The following UBE2E2 variants were observed in gnomAD, a reference collection of about 807,000 sequenced individuals.
The protein encoded by UBE2E2 is ubiquitin conjugating enzyme E2 E2.
Under a neutral mutation model 24.7 loss-of-function variants are expected in UBE2E2, and 6 were observed. That is an observed-to-expected ratio of 0.24 (90% confidence interval 0.13 to 0.48). UBE2E2 has a LOEUF of 0.48. Ranked by LOEUF, UBE2E2 falls within the 20% of genes least tolerant of loss-of-function variation. The pLI, the probability that UBE2E2 is intolerant of heterozygous loss-of-function variation, is 0.99. For synonymous variants in UBE2E2, 104 were observed against 83.6 expected (o/e 1.24, Z -1.33); for missense variants, 169 against 245.0 (o/e 0.69, Z 2.07).
intron 3 of UBE2E2, among the ~76,000 whole-genome samples, chr3:23,397,753 C>A (rs1013420231): frequency 2.0e-5 from 3 of 152,186 alleles, no homozygotes; most frequent in Non-Finnish European, 2.9e-5. Context: ...AACTATAGCA[C>A]ATTTATCTAT....
At chr3:23,400,048 T>A (rs1697179774) in intron 3 of UBE2E2, among the ~76,000 whole-genome samples, 1 of 152,154 alleles carries the variant, frequency 6.6e-6, no homozygotes, top group East Asian at 1.9e-4. Flanking sequence ...GAACTATTAC[T>A]ACTCCACTGA....
intron 3 of UBE2E2, among the ~76,000 whole-genome samples, chr3:23,315,190 C>T (rs922740449): frequency 6.6e-6 from 1 of 152,140 alleles, no homozygotes; most frequent in African/African-American, 2.4e-5. Context: ...CCACTCTTCC[C>T]CTCCCCTTTC....
In UBE2E2 at chr3:23,370,393, A is replaced by C. The variant is rs79427188; in HGVS notation, c.228-129215A>C. 5.7e-4 allele frequency among the ~76,000 whole-genome samples: 87 copies of C among 152,324 alleles called. 3 individuals are homozygous for C. In the East Asian group the frequency reaches 0.015, roughly 27 times the overall value. ...TAAAATGTTGAAATTGATTAACTAG[A>C]GATAGTAATGTCAATTTTTAAGTAA... is the stretch of plus-strand genomic sequence containing the variant. On this transcript the variant is annotated intron_variant, in intron 3 of 5. Transcript: ENST00000396703.
intron 3 of UBE2E2, among the ~76,000 whole-genome samples, chr3:23,261,026 C>T (rs1697888158): frequency 6.6e-6 from 1 of 152,032 alleles, no homozygotes; most frequent in African/African-American, 2.4e-5. Context: ...TCTCTTGAGC[C>T]CAGGAGGCCA....
At chr3:23,288,911 A>G (rs1044706722) in intron 3 of UBE2E2, among the ~76,000 whole-genome samples, 2 of 152,100 alleles carry the variant, frequency 1.3e-5, no homozygotes, top group African/African-American at 4.8e-5. Flanking sequence ...TTCTCTCTTC[A>G]CACCACGTGG....
intron 3 of UBE2E2, among the ~76,000 whole-genome samples, chr3:23,356,207 A>T (rs1324994414): frequency 6.6e-6 from 1 of 152,174 alleles, no homozygotes; most frequent in Non-Finnish European, 1.5e-5. Flanking sequence ...CCAGGAAGAG[A>T]GTCAGGGAAC....
chr3:23,440,388 A>C (rs1057373986), intron 3 of UBE2E2, among the ~76,000 whole-genome samples: 4 of 152,210 alleles, frequency 2.6e-5, no homozygotes, highest in Non-Finnish European at 5.9e-5. Context: ...GATTACAGGC[A>C]TGGGCCATTG....
intron 3 of UBE2E2, among the ~76,000 whole-genome samples, chr3:23,468,340 G>A (rs1698966410): frequency 6.6e-6 from 1 of 152,082 alleles, no homozygotes; most frequent in South Asian, 2.1e-4. Context: ...TAAAATCTAT[G>A]TACACAAGAG....
intron 3 of UBE2E2, among the ~76,000 whole-genome samples, chr3:23,226,197 A>G (rs1480871063): frequency 6.6e-6 from 1 of 152,020 alleles, no homozygotes; most frequent in African/African-American, 2.4e-5. Context: ...TATTTTCCAC[A>G]TCATAGTAAC....
intron 1 of UBE2E2, among the ~76,000 whole-genome samples, chr3:23,208,299 GA>G (rs1696207845): frequency 6.6e-6 from 1 of 152,072 alleles, no homozygotes; most frequent in Admixed American, 6.6e-5. Context: ...TCACTTACCA[GA>G]ATGTTTCAAG....
In UBE2E2 at chr3:23,489,938, T is replaced by G. The variant is rs75850610; in HGVS notation, c.228-9670T>G. On this transcript the variant is annotated intron_variant, in intron 3 of 5. Transcript: ENST00000396703. Reference sequence around the variant, plus strand: ...TTCTTTCCCCTTCCCCCCATATGCATGCTGAGAATCACTGCTGAAGTGAGT... The same window carrying G: ...TTCTTTCCCCTTCCCCCCATATGCAGGCTGAGAATCACTGCTGAAGTGAGT... Among the ~76,000 whole-genome samples the G allele has an allele frequency of 8.0e-3, 1,216 of 152,228 alleles. 17 individuals are homozygous for G. The highest frequency in any genetic ancestry group is 0.028 in the African/African-American group (1,145 of 41,518).
rs547216267 is a variant in UBE2E2, at chr3:23,575,622, A to G, written c.509-14112A>G. ...ACAGATTATTTTTCTGTTAGTTTGG[A>G]AAAAAAACAAAAAAGCTGATAATGA... On this transcript the variant is annotated intron_variant, in intron 5 of 5. Transcript: ENST00000396703. 1.2e-4 allele frequency among the ~76,000 whole-genome samples: 19 copies of G among 152,002 alleles called. No individual in the cohort carries two copies. In the East Asian group the frequency reaches 3.5e-3, roughly 28 times the overall value.
chr3:23,312,211 G>A (rs1270194378), intron 3 of UBE2E2, among the ~76,000 whole-genome samples: 1 of 152,170 alleles, frequency 6.6e-6, no homozygotes, highest in Non-Finnish European at 1.5e-5. Flanking sequence ...TGTACAGCCT[G>A]CAGAACCATG....
At chr3:23,537,201 A>G (rs1201370522) in intron 5 of UBE2E2, among the ~76,000 whole-genome samples, 1 of 152,222 alleles carries the variant, frequency 6.6e-6, no homozygotes, top group African/African-American at 2.4e-5. Flanking sequence ...CCTTCAGACC[A>G]TAAGCTGCCT....
chr3:23,562,646 A>G (rs1459862687), intron 5 of UBE2E2, among the ~76,000 whole-genome samples: 2 of 152,228 alleles, frequency 1.3e-5, no homozygotes, highest in African/African-American at 2.4e-5. Context: ...AAGGAATGGT[A>G]TCAGCTCCTC....
chr3:23,537,487 G>C (rs897086866), intron 5 of UBE2E2, among the ~76,000 whole-genome samples: 1 of 152,144 alleles, frequency 6.6e-6, no homozygotes, highest in African/African-American at 2.4e-5. Context: ...TTAACCCTCA[G>C]CCTTGTATAG....
At chr3:23,488,200 CT>C (rs11352255) in intron 3 of UBE2E2, among the ~76,000 whole-genome samples, 41,383 of 140,056 alleles carry the variant, frequency 0.3, 5,873 homozygotes, top group East Asian at 0.39. Flanking sequence ...GATTACATTT[CT>C]TTTTTTTTTT....
intron 3 of UBE2E2, among the ~76,000 whole-genome samples, chr3:23,293,945 T>C: frequency 6.6e-6 from 1 of 152,200 alleles, no homozygotes; most frequent in East Asian, 1.9e-4. Context: ...GCGAGCTCTT[T>C]GTCTCTTTAA....
intron 4 of UBE2E2, among the ~76,000 whole-genome samples, chr3:23,517,123 C>A (rs905992859): frequency 2.0e-5 from 3 of 152,010 alleles, no homozygotes; most frequent in African/African-American, 7.2e-5. Context: ...CATAGTTAGT[C>A]TTTTCTACCG....
Sources: gnomAD v4.1 joint callset for allele counts (sites outside exome capture counted in the v4.1 genomes callset) on GRCh38, gnomAD v4.1.1 for gene constraint, MANE v1.5 for transcripts, NCBI Gene and HGNC (gene_info 2026-07-23, HGNC 2026-07-21) for gene names.